Variants in QTMAN observed in about 807,000 individuals in gnomAD.
The protein encoded by QTMAN is tRNA-queuosine alpha-mannosyltransferase.
At chr2:144,035,558 A>G in the QTMAN span, among the ~76,000 whole-genome samples, 2 of 152,206 alleles carry the variant, frequency 1.3e-5, no homozygotes, top group Non-Finnish European at 2.9e-5. Context: ...TTATTTTATA[A>G]AAGTAACTAT....
the QTMAN span, among the ~76,000 whole-genome samples, chr2:144,284,935 T>G: frequency 8.5e-6 from 1 of 116,976 alleles, no homozygotes; most frequent in Non-Finnish European, 1.7e-5. Flanking sequence ...AGGCCAAACT[T>G]TTTTTTTTTT....
the QTMAN span, among the ~76,000 whole-genome samples, chr2:144,106,847 G>T: frequency 2.6e-5 from 4 of 152,106 alleles, no homozygotes; most frequent in Non-Finnish European, 4.4e-5. Flanking sequence ...ATTGACCACA[G>T]AGTTGGAAGT....
chr2:144,141,807 T>A, the QTMAN span: 2,367 of 1,131,162 alleles, frequency 2.1e-3, 3 homozygotes, highest in Non-Finnish European at 2.7e-3. Flanking sequence ...AAAACTGGCA[T>A]GAAGAACATC....
chr2:144,133,710 G>A, the QTMAN span, among the ~76,000 whole-genome samples: 1 of 149,036 alleles, frequency 6.7e-6, no homozygotes, highest in African/African-American at 2.5e-5. Flanking sequence ...TTTCTTGACA[G>A]TGAGTAGTGT....
the QTMAN span, among the ~76,000 whole-genome samples, chr2:144,181,750 G>A: frequency 2.0e-4 from 30 of 152,190 alleles, 1 homozygote; most frequent in South Asian, 1.5e-3. Context: ...GATGGAGGCC[G>A]CAGTGAGCTT....
the QTMAN span, among the ~76,000 whole-genome samples, chr2:143,992,532 A>T: frequency 6.6e-6 from 1 of 151,834 alleles, no homozygotes; most frequent in Non-Finnish European, 1.5e-5. Flanking sequence ...AATGATCAAT[A>T]AAAAAATAAA....
chr2:144,120,942 G>A, the QTMAN span, among the ~76,000 whole-genome samples: 9 of 152,218 alleles, frequency 5.9e-5, no homozygotes, highest in South Asian at 2.1e-4. Flanking sequence ...AAAGGGTAAC[G>A]GGATCAGCAT....
the QTMAN span, among the ~76,000 whole-genome samples, chr2:144,163,828 T>C: frequency 2.6e-4 from 39 of 152,206 alleles, 1 homozygote; most frequent in East Asian, 1.9e-4. Flanking sequence ...GGGTGTACCA[T>C]GGACTATGAA....
chr2:144,326,857 T>C, the QTMAN span, among the ~76,000 whole-genome samples: 1 of 152,138 alleles, frequency 6.6e-6, no homozygotes, highest in Non-Finnish European at 1.5e-5. Context: ...ATGACCTTGC[T>C]TGAGGAATGT....
the QTMAN span, among the ~76,000 whole-genome samples, chr2:144,102,666 C>G: frequency 6.6e-6 from 1 of 152,178 alleles, no homozygotes; most frequent in East Asian, 1.9e-4. Flanking sequence ...AAATTATCTG[C>G]TTAAGAATAC....
chr2:144,315,174 C>T, the QTMAN span, among the ~76,000 whole-genome samples: 2 of 152,154 alleles, frequency 1.3e-5, no homozygotes, highest in African/African-American at 4.8e-5. Flanking sequence ...CATGAGCCAT[C>T]GCATCCGGCC....
the QTMAN span, among the ~76,000 whole-genome samples, chr2:144,088,545 G>A: frequency 1.3e-5 from 2 of 151,970 alleles, no homozygotes; most frequent in African/African-American, 4.8e-5. Context: ...AAAGCTGGTG[G>A]CATCACACTA....
chr2:144,271,004 A>C, the QTMAN span, among the ~76,000 whole-genome samples: 1 of 152,180 alleles, frequency 6.6e-6, no homozygotes, highest in African/African-American at 2.4e-5. Flanking sequence ...TCTCTAAGTA[A>C]AGATTACAAG....
chr2:144,145,734 AG>A, the QTMAN span: 1 of 1,608,634 alleles, frequency 6.2e-7, no homozygotes, highest in Non-Finnish European at 8.5e-7. Flanking sequence ...ACTTGCAAAG[AG>A]GGTCCTAGGA....
the QTMAN span, among the ~76,000 whole-genome samples, chr2:144,192,889 T>C: frequency 1.3e-5 from 2 of 152,242 alleles, no homozygotes; most frequent in African/African-American, 4.8e-5. Context: ...TTCATTTATC[T>C]AATTTTTTTT....
At chr2:144,273,000 A>T in the QTMAN span, among the ~76,000 whole-genome samples, 4 of 152,186 alleles carry the variant, frequency 2.6e-5, no homozygotes, top group African/African-American at 9.7e-5. Flanking sequence ...ATAATTATTT[A>T]AAAACACTAA....
chr2:144,241,274 T>C, the QTMAN span, among the ~76,000 whole-genome samples: 1 of 152,198 alleles, frequency 6.6e-6, no homozygotes, highest in Non-Finnish European at 1.5e-5. Context: ...TGCACTATGT[T>C]TGAAAAACAC....
the QTMAN span, among the ~76,000 whole-genome samples, chr2:144,243,289 C>T: frequency 1.3e-5 from 2 of 152,200 alleles, no homozygotes; most frequent in South Asian, 2.1e-4. Flanking sequence ...CAGTCCAATG[C>T]TGTATAACAT....
chr2:144,245,585 A>G, the QTMAN span, among the ~76,000 whole-genome samples: 3 of 152,226 alleles, frequency 2.0e-5, no homozygotes, highest in Non-Finnish European at 2.9e-5. Context: ...ATTTTCATCT[A>G]CAATTCTCTA....
Sources: gnomAD v4.1 joint callset for allele counts (sites outside exome capture counted in the v4.1 genomes callset) on GRCh38, gnomAD v4.1.1 for gene constraint, MANE v1.5 for transcripts, NCBI Gene and HGNC (gene_info 2026-07-23, HGNC 2026-07-21) for gene names.